The following ALG6 variants were observed in gnomAD, a reference collection of about 807,000 sequenced individuals.
ALG6 encodes the protein ALG6 alpha-1,3-glucosyltransferase, also known as dolichyl pyrophosphate Man9GlcNAc2 alpha-1,3-glucosyltransferase.
A neutral mutation model predicts 66.6 loss-of-function variants in ALG6; 46 were observed. The observed-to-expected ratio is 0.69, with a 90% CI of 0.55 to 0.88. The LOEUF is 0.88. Ranked by LOEUF, ALG6 falls within the 40% of genes least tolerant of loss-of-function variation. The pLI is 0.00. For synonymous variants in ALG6, 185 were observed against 203.7 expected, an observed-to-expected ratio of 0.91 and a Z score of 0.78; for missense variants, 505 against 586.8, an observed-to-expected ratio of 0.86 and a Z score of 1.44.
intron 14 of ALG6, among the ~76,000 whole-genome samples, chr1:63,432,432 A>G (rs1015423553): frequency 6.6e-6 from 1 of 152,172 alleles, no homozygotes; most frequent in Admixed American, 6.5e-5. Context: ...ATTTATATTC[A>G]TAAGAGACAC....
chr1:63,371,168 C>T (rs890994825), intron 2 of ALG6, 109 bp downstream of exon 2: 1 of 741,384 alleles, frequency 1.3e-6, no homozygotes, highest in East Asian at 2.6e-5. Context: ...AATTTCAGGC[C>T]TTTTTGATAT....
chr1:63,409,265 T>A (rs951573661), intron 7 of ALG6, among the ~76,000 whole-genome samples: 6 of 152,238 alleles, frequency 3.9e-5, no homozygotes, highest in Admixed American at 2.0e-4. Flanking sequence ...ATTTTTATAA[T>A]TTATTTTTGT....
In ALG6 at chr1:63,433,561, A is replaced by G. The variant is rs938408271; in HGVS notation, c.1327-3262A>G. Among the ~76,000 whole-genome samples, 2 of 152,280 alleles carry G rather than the reference A, an allele frequency of 1.3e-5. No homozygotes were observed. The highest frequency in any genetic ancestry group is 4.8e-5 in the African/African-American group (2 of 41,538). On this transcript the variant is annotated intron_variant, in intron 14 of 14. Coordinates refer to ENST00000263440, the MANE Select transcript of ALG6 (RefSeq NM_013339.4). The surrounding 1 kb of genome is among the most constrained non-coding windows in gnomAD (Gnocchi z 4.2). The stretch of plus-strand genomic sequence containing the variant: ...GGGTTCAAATGGAAAGTAGATATAA[A>G]GTTCATTTTTTGTTAGTATAGGCCC...
At chr1:63,397,715 T>C (rs1259450302) in intron 3 of ALG6, among the ~76,000 whole-genome samples, 5 of 152,218 alleles carry the variant, frequency 3.3e-5, no homozygotes, top group Admixed American at 1.3e-4. Flanking sequence ...AAGTATAAAA[T>C]AGCAGTAGCT....
At chr1:63,436,057 G>A (rs1644677144) in intron 14 of ALG6, among the ~76,000 whole-genome samples, 1 of 152,068 alleles carries the variant, frequency 6.6e-6, no homozygotes, top group South Asian at 2.1e-4. Flanking sequence ...ATGTGCCTTC[G>A]TGTGCTTTAC....
At chr1:63,424,339 C>G (rs1252953738) in intron 12 of ALG6, among the ~76,000 whole-genome samples, 3 of 152,144 alleles carry the variant, frequency 2.0e-5, no homozygotes, top group African/African-American at 7.2e-5. Context: ...TGGGGTTTCA[C>G]TATGTTGGCC....
intron 2 of ALG6, among the ~76,000 whole-genome samples, chr1:63,371,636 G>T (rs1263183044): frequency 6.6e-6 from 1 of 151,308 alleles, no homozygotes; most frequent in Non-Finnish European, 1.5e-5. Context: ...ACGGAGCCTC[G>T]CTGTGTCGCC....
intron 2 of ALG6, among the ~76,000 whole-genome samples, chr1:63,385,301 G>C (rs1453803207): frequency 7.1e-6 from 1 of 140,120 alleles, no homozygotes; most frequent in Non-Finnish European, 1.5e-5. Context: ...CCAGGTTAAA[G>C]CAATTCTCCT....
chr1:63,379,311 T>C (rs747823054), intron 2 of ALG6, among the ~76,000 whole-genome samples: 11 of 152,218 alleles, frequency 7.2e-5, no homozygotes, highest in Non-Finnish European at 1.0e-4. Context: ...TAAAGTTTCT[T>C]TGGGTCATGT....
chr1:63,395,142 G>A (rs1487070813), intron 2 of ALG6, among the ~76,000 whole-genome samples: 1 of 152,148 alleles, frequency 6.6e-6, no homozygotes, highest in Non-Finnish European at 1.5e-5. Flanking sequence ...GGGATTACAG[G>A]TGTGAGCCTC....
At position 63,436,879 on chromosome 1, in the gene ALG6, T is replaced by C; in HGVS notation, c.1383T>C (p.Asp461=). 6.2e-7 allele frequency: 1 copy of C among 1,613,916 alleles called. No individual in the cohort carries two copies. The highest frequency in any genetic ancestry group is 1.1e-5 in the South Asian group (1 of 91,078). Residue 461 remains aspartate (D), a synonymous_variant, in exon 15 of 15, where the codon GAT becomes GAC. Transcript: ENST00000263440. ...TGACGTTGATGACTGTCACACTGGA[T>C]CCTCCTCAGAAACTACCGGACTTGT... ...VLLTLMTVTL[D]PPQKLPDLFS... is the part of the protein sequence containing the mutation.
Position 63,370,977 on chromosome 1 carries a change from T to G in ALG6, c.-1T>G. The stretch of plus-strand genomic sequence containing the variant: ...CTTCCCCTCCCTAAATTTGAAGAAC[T>G]ATGGAGAAATGGTACTTGATGACAG... On this transcript the variant is annotated 5_prime_UTR_variant, in exon 2 of 15. Coordinates refer to ENST00000263440, the MANE Select transcript of ALG6 (RefSeq NM_013339.4). 6.2e-7 allele frequency: 1 copy of G among 1,601,094 alleles called. No individual in the cohort carries two copies.
At chr1:63,427,885 C>A (rs1644625476) in intron 12 of ALG6, among the ~76,000 whole-genome samples, 2 of 149,576 alleles carry the variant, frequency 1.3e-5, no homozygotes, top group Admixed American at 1.3e-4. Context: ...CAGCTCACTG[C>A]AACCTCCTCC....
chr1:63,407,176 A>G (rs1644493251), intron 7 of ALG6, 50 bp downstream of exon 7: 2 of 1,335,680 alleles, frequency 1.5e-6, no homozygotes, highest in African/African-American at 2.9e-5. Context: ...TGTGAAATCT[A>G]GACTCAATGT....
intron 2 of ALG6, among the ~76,000 whole-genome samples, chr1:63,389,126 A>G (rs1334009363): frequency 6.6e-6 from 1 of 152,098 alleles, no homozygotes; most frequent in Non-Finnish European, 1.5e-5. Flanking sequence ...TAGGTTTGGA[A>G]TGTTCTCAGT....
intron 12 of ALG6, among the ~76,000 whole-genome samples, chr1:63,422,947 C>G (rs1272795455): frequency 6.6e-6 from 1 of 151,614 alleles, no homozygotes; most frequent in African/African-American, 2.4e-5. Context: ...GAGAGCAAAA[C>G]TCCGTCTCAA....
chr1:63,377,380 TTA>T (rs1280307253), intron 2 of ALG6, among the ~76,000 whole-genome samples: 1 of 152,226 alleles, frequency 6.6e-6, no homozygotes, highest in African/African-American at 2.4e-5. Flanking sequence ...TTTTTGCTTG[TTA>T]TATCTTTTTC....
intron 2 of ALG6, among the ~76,000 whole-genome samples, chr1:63,388,290 C>T (rs1648566647): frequency 6.6e-6 from 1 of 151,292 alleles, no homozygotes; most frequent in Non-Finnish European, 1.5e-5. Flanking sequence ...CTCAGCCTCC[C>T]AAGTAGCTGA....
At chr1:63,397,041 A>G (rs1208644836) in intron 3 of ALG6, among the ~76,000 whole-genome samples, 3 of 152,154 alleles carry the variant, frequency 2.0e-5, no homozygotes, top group Non-Finnish European at 4.4e-5. Flanking sequence ...GGAGAAGCCT[A>G]CAATGATAGG....
Sources: allele counts gnomAD v4.1 joint callset (sites outside exome capture counted in the v4.1 genomes callset), GRCh38; gene constraint gnomAD v4.1.1; non-coding constraint Gnocchi (gnomAD v3.1); transcripts MANE v1.5; gene names NCBI Gene and HGNC (gene_info 2026-07-23, HGNC 2026-07-21).